PTPN4: variants seen among roughly 807,000 people sequenced by gnomAD.
PTPN4 encodes the protein tyrosine-protein phosphatase non-receptor type 4.
A neutral mutation model predicts 135.5 loss-of-function variants in PTPN4; 49 were observed. That is an observed-to-expected ratio of 0.36 (90% CI 0.29 to 0.46). The LOEUF (loss-of-function observed/expected upper bound fraction) is 0.46, where lower values mean the gene tolerates loss of function less well. Ranked by LOEUF, PTPN4 falls within the 20% of genes least tolerant of loss-of-function variation. PTPN4 has a pLI of 1.00. For synonymous variants in PTPN4, 333 were observed against 369.9 expected (o/e 0.90, Z 1.14); for missense variants, 860 against 1,101.0 (o/e 0.78, Z 3.10).
At chr2:119,766,484 CTGTGTGT>C (rs1690631969) in intron 1 of PTPN4, among the ~76,000 whole-genome samples, 1 of 103,824 alleles carries the variant, frequency 9.6e-6, no homozygotes, top group African/African-American at 4.3e-5. Flanking sequence ...GTGTGTGTGT[CTGTGTGT>C]GTGTGTGTGT....
At chr2:119,902,623 A>C (rs1678422711) in intron 10 of PTPN4, among the ~76,000 whole-genome samples, 1 of 152,230 alleles carries the variant, frequency 6.6e-6, no homozygotes, top group Non-Finnish European at 1.5e-5. Context: ...AGAAGAATTC[A>C]ACAAGGAAGT....
intron 3 of PTPN4, among the ~76,000 whole-genome samples, chr2:119,862,844 A>AT (rs1677780281): frequency 6.6e-6 from 1 of 152,026 alleles, no homozygotes; most frequent in African/African-American, 2.4e-5. Context: ...GGTTTTCATA[A>AT]TTATGTCAGG....
chr2:119,769,881 G>A (rs1263471980), intron 1 of PTPN4, among the ~76,000 whole-genome samples: 1 of 152,204 alleles, frequency 6.6e-6, no homozygotes, highest in East Asian at 1.9e-4. Flanking sequence ...GGTCTTTGGA[G>A]TAATCCAAGG....
At chr2:119,882,193 G>C (rs778126369) in intron 7 of PTPN4, 44 bp downstream of exon 7, 1 of 1,534,152 alleles carries the variant, frequency 6.5e-7, no homozygotes. Context: ...TATAACTGTG[G>C]TTTGTGTTGC....
intron 1 of PTPN4, among the ~76,000 whole-genome samples, chr2:119,765,354 C>T (rs13008839): frequency 0.57 from 86,694 of 151,986 alleles, 26,615 homozygotes; most frequent in East Asian, 0.8. Context: ...TTTTGTTAAG[C>T]GGTTTTTTGT....
chr2:119,783,476 G>A (rs1364226518), intron 1 of PTPN4, among the ~76,000 whole-genome samples: 1 of 152,216 alleles, frequency 6.6e-6, no homozygotes, highest in African/African-American at 2.4e-5. Flanking sequence ...GAATCAGATT[G>A]AAGATTAGCA....
intron 2 of PTPN4, among the ~76,000 whole-genome samples, chr2:119,831,197 CTA>C (rs1231352792): frequency 4.6e-5 from 7 of 152,120 alleles, no homozygotes; most frequent in Admixed American, 4.6e-4. Context: ...GAATCTAATG[CTA>C]TCACTGATTT....
chr2:119,956,237 A>ATTTTTTTTTT (rs10627020), intron 20 of PTPN4, among the ~76,000 whole-genome samples: 2 of 101,068 alleles, frequency 2.0e-5, no homozygotes, highest in Non-Finnish European at 3.8e-5. Context: ...ATAAACCTGA[A>ATTTTTTTTTT]TTTTTTTTTT....
intron 26 of PTPN4, among the ~76,000 whole-genome samples, chr2:119,972,866 G>T (rs974469463): frequency 6.6e-6 from 1 of 152,030 alleles, no homozygotes; most frequent in African/African-American, 2.4e-5. Flanking sequence ...ATTTTTAGAT[G>T]TTAAATTGAC....
intron 2 of PTPN4, among the ~76,000 whole-genome samples, chr2:119,837,209 G>A (rs952410357): frequency 1.3e-5 from 2 of 152,134 alleles, no homozygotes; most frequent in African/African-American, 4.8e-5. Flanking sequence ...AAAACAGCCC[G>A]ATTCACACAG....
intron 20 of PTPN4, among the ~76,000 whole-genome samples, chr2:119,956,106 C>A (rs1488777595): frequency 2.0e-5 from 3 of 151,964 alleles, no homozygotes; most frequent in African/African-American, 7.2e-5. Context: ...TCAGACAGAT[C>A]ATTATATCCA....
At chr2:119,846,481 C>A (rs1267196503) in intron 2 of PTPN4, among the ~76,000 whole-genome samples, 1 of 151,110 alleles carries the variant, frequency 6.6e-6, no homozygotes, top group Non-Finnish European at 1.5e-5. Flanking sequence ...TTTTTAAATC[C>A]TTTACTTATT....
rs566644975 is a variant in PTPN4 at position 119,882,150 on chromosome 2, G to A, written c.466+1G>A. 1 of 1,604,758 alleles carries A rather than the reference G, an allele frequency of 6.2e-7. No individual in the cohort carries two copies. Among genetic ancestry groups the A allele is most frequent in the Middle Eastern group, 1.7e-4 (1 of 6,030 alleles). On this transcript the variant is annotated splice_donor_variant, in intron 7 of 26. Coordinates refer to ENST00000263708, the MANE Select transcript of PTPN4 (RefSeq NM_002830.4). LOFTEE classifies it high-confidence loss of function. ...CTTTTAGCTTCATTTGCTGTTCAGT[G>A]TAAGTATCAGCCCATTTTTAGGTCA...
At chr2:119,842,243 G>A (rs1677392550) in intron 2 of PTPN4, among the ~76,000 whole-genome samples, 2 of 152,106 alleles carry the variant, frequency 1.3e-5, no homozygotes, top group African/African-American at 2.4e-5. Context: ...TGTGCATCAG[G>A]TCCTAGTATA....
At chr2:119,876,683 C>A (rs1677987247) in intron 3 of PTPN4, among the ~76,000 whole-genome samples, 1 of 151,694 alleles carries the variant, frequency 6.6e-6, no homozygotes, top group South Asian at 2.1e-4. Context: ...GCTAAACTGG[C>A]CTTCAGAAGT....
chr2:119,858,788 A>G (rs1164575623), intron 2 of PTPN4, among the ~76,000 whole-genome samples: 1 of 151,888 alleles, frequency 6.6e-6, no homozygotes, highest in East Asian at 1.9e-4. Context: ...ACGTGCCACC[A>G]TGCCCGGCTA....
intron 2 of PTPN4, among the ~76,000 whole-genome samples, chr2:119,832,181 C>T (rs1677229087): frequency 6.6e-6 from 1 of 152,130 alleles, no homozygotes; most frequent in African/African-American, 2.4e-5. Context: ...TAGAAACTGA[C>T]CTTAACAGGT....
At chr2:119,812,865 C>T (rs1676918853) in intron 2 of PTPN4, among the ~76,000 whole-genome samples, 1 of 152,050 alleles carries the variant, frequency 6.6e-6, no homozygotes, top group African/African-American at 2.4e-5. Context: ...GGATTTTTAC[C>T]CCTAATTTTT....
At chr2:119,905,047 AAAC>A in intron 10 of PTPN4, among the ~76,000 whole-genome samples, 1 of 134,180 alleles carries the variant, frequency 7.5e-6, no homozygotes, top group African/African-American at 2.5e-5. Context: ...AAAAAAAAAA[AAAC>A]AAATAATCAA....
Sources: allele counts gnomAD v4.1 joint callset (sites outside exome capture counted in the v4.1 genomes callset), GRCh38; gene constraint gnomAD v4.1.1; transcripts MANE v1.5; gene names NCBI Gene and HGNC (gene_info 2026-07-23, HGNC 2026-07-21).